Variants in COL14A1 observed in about 807,000 individuals in gnomAD.
The protein encoded by COL14A1 is collagen type XIV alpha 1 chain, also known as collagen alpha-1(XIV) chain.
Under a neutral mutation model 230.3 loss-of-function variants are expected in COL14A1, and 136 were observed. The observed-to-expected ratio is 0.59, with a 90% CI of 0.51 to 0.68. The LOEUF is 0.68. Ranked by LOEUF, COL14A1 falls within the 30% of genes least tolerant of loss-of-function variation. The pLI, the probability that COL14A1 is intolerant of heterozygous loss-of-function variation, is 0.00. For synonymous variants in COL14A1, 792 were observed against 784.1 expected, an observed-to-expected ratio of 1.01 and a Z score of -0.17; for missense variants, 1,976 against 2,215.8, an observed-to-expected ratio of 0.89 and a Z score of 2.17.
chr8:120,125,916 C>G (rs923667463), intron 1 of COL14A1, among the ~76,000 whole-genome samples: 1 of 152,142 alleles, frequency 6.6e-6, no homozygotes, highest in African/African-American at 2.4e-5. Context: ...AGGGAAACAG[C>G]TAGGTAGAGC....
intron 19 of COL14A1, among the ~76,000 whole-genome samples, chr8:120,236,778 T>C (rs1244128074): frequency 6.6e-6 from 1 of 152,184 alleles, no homozygotes; most frequent in African/African-American, 2.4e-5. Flanking sequence ...TCCATATTTG[T>C]TACTTCCTCC....
intron 1 of COL14A1, among the ~76,000 whole-genome samples, chr8:120,138,352 G>A (rs1267775666): frequency 3.9e-5 from 6 of 151,984 alleles, no homozygotes; most frequent in Non-Finnish European, 8.8e-5. Flanking sequence ...AAATGTCCAG[G>A]ATTTGAGGGC....
chr8:120,244,251 CT>C (rs1818698631), intron 20 of COL14A1, among the ~76,000 whole-genome samples: 2 of 152,200 alleles, frequency 1.3e-5, no homozygotes, highest in South Asian at 4.1e-4. Flanking sequence ...ACAACTACAT[CT>C]TTCTCTTCCA....
intron 9 of COL14A1, among the ~76,000 whole-genome samples, chr8:120,206,335 G>A (rs1465754834): frequency 6.6e-6 from 1 of 152,148 alleles, no homozygotes; most frequent in Non-Finnish European, 1.5e-5. Context: ...CACATGCTTA[G>A]TTAATGTTTG....
chr8:120,227,387 G>A (rs762247603), intron 17 of COL14A1, 35 bp downstream of exon 17: 31 of 1,611,266 alleles, frequency 1.9e-5, no homozygotes, highest in Non-Finnish European at 2.2e-5. Context: ...CGTTTTAGCT[G>A]CTCCCACAAT....
chr8:120,361,986 A>C (rs1823237466), intron 45 of COL14A1, among the ~76,000 whole-genome samples: 1 of 152,228 alleles, frequency 6.6e-6, no homozygotes, highest in Admixed American at 6.5e-5. Flanking sequence ...AAATTGAGGA[A>C]AGCATCTGAG....
At chr8:120,350,928 A>G (rs1197081573) in intron 45 of COL14A1, among the ~76,000 whole-genome samples, 17 of 149,432 alleles carry the variant, frequency 1.1e-4, no homozygotes, top group Admixed American at 2.0e-4. Context: ...AATCAACAGA[A>G]TATACATTTT....
intron 5 of COL14A1, among the ~76,000 whole-genome samples, chr8:120,190,225 C>T (rs189357508): frequency 1.3e-5 from 2 of 152,206 alleles, no homozygotes; most frequent in East Asian, 1.9e-4. Context: ...ATGCATTTCT[C>T]TGATGGCCAG....
chr8:120,202,928 T>TA, intron 8 of COL14A1, among the ~76,000 whole-genome samples: 1 of 147,822 alleles, frequency 6.8e-6, no homozygotes, highest in Middle Eastern at 3.6e-3. Context: ...TTGAGTATGT[T>TA]AAAAAATAAT....
intron 18 of COL14A1, among the ~76,000 whole-genome samples, chr8:120,230,721 C>G (rs1297310491): frequency 6.6e-6 from 1 of 152,086 alleles, no homozygotes; most frequent in Non-Finnish European, 1.5e-5. Flanking sequence ...AAAGCCCTAA[C>G]AGTCTGACAC....
intron 42 of COL14A1, among the ~76,000 whole-genome samples, chr8:120,334,760 T>C (rs191491050): frequency 2.0e-5 from 3 of 152,310 alleles, no homozygotes; most frequent in African/African-American, 7.2e-5. Context: ...ACCAGAGTTT[T>C]AGAATACATC....
At chr8:120,273,255 T>TA (rs1459038729) in intron 26 of COL14A1, among the ~76,000 whole-genome samples, 1 of 151,564 alleles carries the variant, frequency 6.6e-6, no homozygotes, top group African/African-American at 2.4e-5. Context: ...AGATAATACT[T>TA]ACACAAGTTG....
chr8:120,166,900 G>GTA (rs1050614096), intron 4 of COL14A1, among the ~76,000 whole-genome samples: 2 of 149,644 alleles, frequency 1.3e-5, no homozygotes, highest in Non-Finnish European at 3.0e-5. Context: ...GTGTGTGTGT[G>GTA]TGTGTGTGTG....
At chr8:120,188,017 A>G (rs956155308) in intron 5 of COL14A1, among the ~76,000 whole-genome samples, 4 of 152,026 alleles carry the variant, frequency 2.6e-5, no homozygotes, top group African/African-American at 9.7e-5. Flanking sequence ...TGGGAATAAT[A>G]GTAATGGTAC....
intron 5 of COL14A1, among the ~76,000 whole-genome samples, chr8:120,182,782 A>G (rs1051635378): frequency 7.0e-6 from 1 of 142,396 alleles, no homozygotes; most frequent in African/African-American, 2.7e-5. Context: ...GCTAAAGTGC[A>G]ATGGCGTGAT....
intron 23 of COL14A1, among the ~76,000 whole-genome samples, chr8:120,256,527 C>T (rs1050123776): frequency 2.0e-5 from 3 of 152,186 alleles, no homozygotes; most frequent in Non-Finnish European, 2.9e-5. Context: ...TTGAGTCCCT[C>T]TCTATGATGT....
chr8:120,355,602 G>A (rs940763648), intron 45 of COL14A1, among the ~76,000 whole-genome samples: 1 of 151,744 alleles, frequency 6.6e-6, no homozygotes, highest in Non-Finnish European at 1.5e-5. Context: ...TAGTAGAGAC[G>A]GGGTTTCACC....
At chr8:120,268,587 TG>T (rs1244673613) in intron 25 of COL14A1, among the ~76,000 whole-genome samples, 15 of 151,718 alleles carry the variant, frequency 9.9e-5, no homozygotes, top group Admixed American at 3.3e-4. Context: ...GCAACTTGAA[TG>T]CACTGTGTAT....
At chr8:120,210,378 G>C (rs1177354038) in intron 12 of COL14A1, among the ~76,000 whole-genome samples, 1 of 152,136 alleles carries the variant, frequency 6.6e-6, no homozygotes, top group Non-Finnish European at 1.5e-5. Flanking sequence ...ATTTTTCAAA[G>C]GGTAGGCAAA....
Sources: gnomAD v4.1 joint callset for allele counts (sites outside exome capture counted in the v4.1 genomes callset) on GRCh38, gnomAD v4.1.1 for gene constraint, MANE v1.5 for transcripts, NCBI Gene and HGNC (gene_info 2026-07-23, HGNC 2026-07-21) for gene names.